The following ELOVL7 variants were observed in gnomAD, a reference collection of about 807,000 sequenced individuals.
The protein encoded by ELOVL7 is very long chain fatty acid elongase 7.
ELOVL7 carries 27 observed loss-of-function variants against 35.7 expected under a neutral mutation model. That is an observed-to-expected ratio of 0.76 (90% CI 0.56 to 1.04). The LOEUF is 1.04. Ranked by LOEUF, ELOVL7 falls within the 50% of genes least tolerant of loss-of-function variation. The pLI is 0.00. For synonymous variants in ELOVL7, 113 were observed against 114.6 expected (o/e 0.99, Z 0.09); for missense variants, 327 against 340.8 (o/e 0.96, Z 0.32).
At position 60,803,408 on chromosome 5, in the gene ELOVL7, T is replaced by C. The variant is rs564112811; in HGVS notation, c.-85-4178A>G. On this transcript the variant is annotated intron_variant, in intron 1 of 8. Coordinates refer to ENST00000508821, the MANE Select transcript of ELOVL7 (RefSeq NM_024930.3). ...AACTGAAGCTGACAGCCTGAGCCTA[T>C]CCAAGTGATCTCTACCTTTCCTGCT... is the stretch of plus-strand genomic sequence containing the variant. Among the ~76,000 whole-genome samples, 22 of 152,332 alleles carry C rather than the reference T, an allele frequency of 1.4e-4. No individual in the cohort carries two copies. The South Asian group carries it at 3.7e-3, about 26-fold the overall frequency.
intron 3 of ELOVL7, among the ~76,000 whole-genome samples, chr5:60,781,937 T>C (rs575047109): frequency 6.6e-6 from 1 of 152,342 alleles, no homozygotes; most frequent in East Asian, 1.9e-4. Flanking sequence ...CTCAATAAGC[T>C]TGCTACTGTT....
In ELOVL7 at chr5:60,796,075, T is replaced by C. The variant is rs1003704063; in HGVS notation, c.-35+3105A>G. On this transcript the variant is annotated intron_variant, in intron 2 of 8. Transcript: ENST00000508821. The stretch of plus-strand genomic sequence containing the variant: ...AGGCCCCAAGTCTCTGCTCCTACCA[T>C]CTTTGGCAGGAAAAATCCCTGAGAT... Among the ~76,000 whole-genome samples the C allele has an allele frequency of 4.6e-5, 7 of 152,196 alleles. 1 individual carries two copies. The highest frequency in any genetic ancestry group is 2.0e-4 in the Admixed American group (3 of 15,286).
intron 3 of ELOVL7, among the ~76,000 whole-genome samples, chr5:60,777,507 C>T (rs1400922305): frequency 6.6e-6 from 1 of 152,050 alleles, no homozygotes; most frequent in Non-Finnish European, 1.5e-5. Flanking sequence ...TACACTTAGA[C>T]TGCCTTTAAA....
chr5:60,785,673 T>C (rs1743531913), intron 3 of ELOVL7, among the ~76,000 whole-genome samples: 2 of 152,204 alleles, frequency 1.3e-5, no homozygotes. Context: ...AGAACTACTG[T>C]AAACCTTCAG....
intron 5 of ELOVL7, among the ~76,000 whole-genome samples, chr5:60,767,014 G>A (rs1242569331): frequency 6.6e-6 from 1 of 152,174 alleles, no homozygotes; most frequent in Non-Finnish European, 1.5e-5. Flanking sequence ...CATCCCTGTT[G>A]TAGCATGAGT....
At chr5:60,761,655 T>A (rs1042182678) in intron 7 of ELOVL7, among the ~76,000 whole-genome samples, 2 of 152,064 alleles carry the variant, frequency 1.3e-5, no homozygotes, top group African/African-American at 4.8e-5. Context: ...CCAGTGTGAG[T>A]GGCAGACAGT....
At chr5:60,806,089 T>C (rs1744909094) in intron 1 of ELOVL7, among the ~76,000 whole-genome samples, 1 of 152,126 alleles carries the variant, frequency 6.6e-6, no homozygotes. Flanking sequence ...CTGGGGTCTT[T>C]ATAAAAAGGG....
intron 1 of ELOVL7, among the ~76,000 whole-genome samples, chr5:60,809,335 G>A (rs1745118282): frequency 6.6e-6 from 1 of 152,108 alleles, no homozygotes; most frequent in Admixed American, 6.6e-5. Flanking sequence ...TACACAGTTG[G>A]GTGGCAGAAA....
chr5:60,761,819 T>C (rs1741928462), intron 7 of ELOVL7, among the ~76,000 whole-genome samples: 1 of 152,000 alleles, frequency 6.6e-6, no homozygotes, highest in African/African-American at 2.4e-5. Context: ...CCTAGAAAAA[T>C]TGTAGCAGTT....
Position 60,824,633 on chromosome 5 carries a change from G to GA in ELOVL7, c.-86+19526dup, listed in dbSNP as rs1328675298. On this transcript the variant is annotated intron_variant, in intron 1 of 8. Coordinates refer to ENST00000508821, the MANE Select transcript of ELOVL7 (RefSeq NM_024930.3). ...CCATTTCTTTCTACATAAAATTCAT[G>GA]AACAAATCCTATCTTCTAAATATAT... Among the ~76,000 whole-genome samples, 18 of 152,298 alleles carry GA rather than the reference G, an allele frequency of 1.2e-4. No individual in the cohort carries two copies. The Middle Eastern group carries it at 0.01, about 86-fold the overall frequency.
At chr5:60,800,202 C>T (rs1023062369) in intron 1 of ELOVL7, among the ~76,000 whole-genome samples, 2 of 152,004 alleles carry the variant, frequency 1.3e-5, no homozygotes, top group African/African-American at 4.8e-5. Context: ...CAGGTCAATA[C>T]CCTTGATGAA....
intron 1 of ELOVL7, among the ~76,000 whole-genome samples, chr5:60,814,717 G>A (rs928839251): frequency 1.3e-5 from 2 of 152,196 alleles, no homozygotes; most frequent in Non-Finnish European, 2.9e-5. Context: ...TGTAGAGGAA[G>A]TGTTCAAAGT....
intron 1 of ELOVL7, among the ~76,000 whole-genome samples, chr5:60,841,266 T>C (rs191352208): frequency 6.6e-6 from 1 of 152,130 alleles, no homozygotes. Context: ...CCTAAGGTGA[T>C]CCACCTGCCT....
At chr5:60,828,556 T>C in intron 1 of ELOVL7, among the ~76,000 whole-genome samples, 1 of 152,200 alleles carries the variant, frequency 6.6e-6, no homozygotes, top group Non-Finnish European at 1.5e-5. Flanking sequence ...TGCTGACTTT[T>C]ATGTATCCAG....
At chr5:60,790,897 A>G (rs927632780) in intron 2 of ELOVL7, among the ~76,000 whole-genome samples, 2 of 152,146 alleles carry the variant, frequency 1.3e-5, no homozygotes, top group African/African-American at 4.8e-5. Flanking sequence ...GTAGCACAGA[A>G]TCTGATTTTT....
At chr5:60,829,921 A>C (rs935248112) in intron 1 of ELOVL7, among the ~76,000 whole-genome samples, 3 of 152,212 alleles carry the variant, frequency 2.0e-5, no homozygotes, top group African/African-American at 7.2e-5. Flanking sequence ...AGAAGAGAGA[A>C]AAAGTTTATT....
At chr5:60,832,179 CT>C (rs1026689234) in intron 1 of ELOVL7, among the ~76,000 whole-genome samples, 1 of 152,258 alleles carries the variant, frequency 6.6e-6, no homozygotes, top group African/African-American at 2.4e-5. Context: ...GGGAAAATCA[CT>C]TAAATTTCTT....
chr5:60,811,119 T>G (rs1001061994), intron 1 of ELOVL7, among the ~76,000 whole-genome samples: 2 of 152,180 alleles, frequency 1.3e-5, no homozygotes, highest in Non-Finnish European at 2.9e-5. Flanking sequence ...TTTACTGAGA[T>G]TTGATTCTCA....
intron 1 of ELOVL7, among the ~76,000 whole-genome samples, chr5:60,828,907 T>C (rs1282530561): frequency 1.3e-5 from 2 of 152,184 alleles, no homozygotes; most frequent in African/African-American, 2.4e-5. Context: ...TGATTGGCTA[T>C]TTGATGACAT....
Sources: gnomAD v4.1 joint callset for allele counts (sites outside exome capture counted in the v4.1 genomes callset) on GRCh38, gnomAD v4.1.1 for gene constraint, MANE v1.5 for transcripts, NCBI Gene and HGNC (gene_info 2026-07-23, HGNC 2026-07-21) for gene names.